The following RALGPS1 variants were observed in gnomAD, a reference collection of about 807,000 sequenced individuals.
RALGPS1 encodes the protein ras-specific guanine nucleotide-releasing factor RalGPS1.
In RALGPS1, 19 loss-of-function variants were observed where a neutral mutation model predicts 78.8. That is an observed-to-expected ratio of 0.24 (90% CI 0.17 to 0.35). RALGPS1 has a LOEUF of 0.35. RALGPS1 is among the 10% of genes least tolerant of loss of function. The pLI is 1.00. For synonymous variants in RALGPS1, 228 were observed against 256.3 expected, an observed-to-expected ratio of 0.89 and a Z score of 1.06; for missense variants, 454 against 688.3, an observed-to-expected ratio of 0.66 and a Z score of 3.81.
intron 8 of RALGPS1, 103 bp downstream of exon 8, chr9:127,069,459 C>T: frequency 1.5e-6 from 2 of 1,361,522 alleles, no homozygotes; most frequent in South Asian, 1.3e-5. Flanking sequence ...AGCGACATGG[C>T]CCGTAGATAA....
chr9:126,992,389 CT>C (rs1224744655), intron 4 of RALGPS1, among the ~76,000 whole-genome samples: 6 of 152,100 alleles, frequency 3.9e-5, no homozygotes, highest in African/African-American at 1.4e-4. Flanking sequence ...TTTTTAATAC[CT>C]CTTTGCAATC....
intron 8 of RALGPS1, among the ~76,000 whole-genome samples, chr9:127,153,524 T>C (rs1196066774): frequency 6.6e-6 from 1 of 151,954 alleles, no homozygotes; most frequent in Non-Finnish European, 1.5e-5. Context: ...TACCCCTGTG[T>C]CTAGAATGTG....
chr9:127,053,831 A>T (rs78276602), intron 7 of RALGPS1, among the ~76,000 whole-genome samples: 1 of 152,212 alleles, frequency 6.6e-6, no homozygotes, highest in East Asian at 1.9e-4. Flanking sequence ...TGCTGTTTCC[A>T]TAGATCTAGT....
intron 1 of RALGPS1, among the ~76,000 whole-genome samples, chr9:126,950,650 G>A (rs1419356367): frequency 6.6e-6 from 1 of 151,688 alleles, no homozygotes; most frequent in Non-Finnish European, 1.5e-5. Flanking sequence ...AGAATCTCTG[G>A]GACACATTCA....
intron 8 of RALGPS1, among the ~76,000 whole-genome samples, chr9:127,089,495 A>C (rs775257931): frequency 6.6e-6 from 1 of 152,192 alleles, no homozygotes; most frequent in Non-Finnish European, 1.5e-5. Flanking sequence ...GGAGGCCCCA[A>C]GGGAACTCCA....
At chr9:127,057,796 C>T (rs1398607241) in intron 7 of RALGPS1, among the ~76,000 whole-genome samples, 2 of 152,196 alleles carry the variant, frequency 1.3e-5, no homozygotes, top group African/African-American at 2.4e-5. Flanking sequence ...GGCCCCTGTC[C>T]TCATGGGCTT....
chr9:127,214,961 T>A (rs2062490563), intron 18 of RALGPS1, 119 bp downstream of exon 18: 2 of 1,487,592 alleles, frequency 1.3e-6, no homozygotes, highest in Non-Finnish European at 1.8e-6. Context: ...CACTCTCAGA[T>A]ACCCTCTTCT....
intron 1 of RALGPS1, among the ~76,000 whole-genome samples, chr9:126,924,522 G>C (rs2035077028): frequency 6.6e-6 from 1 of 152,202 alleles, no homozygotes; most frequent in Non-Finnish European, 1.5e-5. Flanking sequence ...AATGCCAAAT[G>C]TGTCCATTTG....
intron 8 of RALGPS1, among the ~76,000 whole-genome samples, chr9:127,164,029 G>A (rs2139537323): frequency 6.6e-6 from 1 of 151,916 alleles, no homozygotes; most frequent in South Asian, 2.1e-4. Context: ...AGTTATATGA[G>A]TGTGTGTGTG....
chr9:127,128,214 A>G (rs760959672), intron 8 of RALGPS1, among the ~76,000 whole-genome samples: 1 of 152,180 alleles, frequency 6.6e-6, no homozygotes, highest in Non-Finnish European at 1.5e-5. Context: ...TCCATGGTGT[A>G]TATGTGCCAC....
intron 5 of RALGPS1, 93 bp from the exon 6 acceptor site, chr9:127,049,950 A>G: frequency 1.1e-6 from 1 of 917,352 alleles, no homozygotes; most frequent in Admixed American, 1.8e-5. Context: ...TGGAAATCCC[A>G]TAACAGCGGT....
chr9:127,019,142 C>T (rs1365811615), intron 4 of RALGPS1, among the ~76,000 whole-genome samples: 1 of 152,074 alleles, frequency 6.6e-6, no homozygotes, highest in Non-Finnish European at 1.5e-5. Context: ...GAGAATTAAG[C>T]CTTGTGCCTG....
intron 5 of RALGPS1, among the ~76,000 whole-genome samples, chr9:127,045,513 A>T (rs140127046): frequency 1.3e-5 from 2 of 152,178 alleles, no homozygotes; most frequent in Non-Finnish European, 2.9e-5. Context: ...AGATGAATAT[A>T]AGAGAGTATA....
intron 8 of RALGPS1, among the ~76,000 whole-genome samples, chr9:127,129,972 T>G (rs2056894220): frequency 6.6e-6 from 1 of 152,222 alleles, no homozygotes; most frequent in Admixed American, 6.5e-5. Context: ...GGGGATTGCC[T>G]CTATGGGCTC....
At chr9:127,123,820 G>A (rs1001841345) in intron 8 of RALGPS1, among the ~76,000 whole-genome samples, 5 of 152,144 alleles carry the variant, frequency 3.3e-5, no homozygotes, top group African/African-American at 9.7e-5. Flanking sequence ...GGCACCCTGC[G>A]GGGATACAGA....
chr9:126,977,876 A>C, intron 4 of RALGPS1, 131 bp downstream of exon 4: 1 of 615,158 alleles, frequency 1.6e-6, no homozygotes, highest in Non-Finnish European at 2.8e-6. Flanking sequence ...TTTAAACCCC[A>C]TTCTATTCTT....
chr9:127,104,886 G>A (rs919155432), intron 8 of RALGPS1, among the ~76,000 whole-genome samples: 1 of 152,250 alleles, frequency 6.6e-6, no homozygotes, highest in Non-Finnish European at 1.5e-5. Flanking sequence ...TGTTGGGTAA[G>A]AGCACAGAAG....
intron 8 of RALGPS1, among the ~76,000 whole-genome samples, chr9:127,159,627 G>A (rs1411605607): frequency 6.6e-6 from 1 of 152,158 alleles, no homozygotes; most frequent in African/African-American, 2.4e-5. Context: ...ATATTAATTA[G>A]CAGGTGCTAG....
chr9:127,079,886 A>G (rs1016266274), intron 8 of RALGPS1: 3 of 152,222 alleles, frequency 2.0e-5, no homozygotes, highest in African/African-American at 4.8e-5. Flanking sequence ...TCACACAGCA[A>G]TGGATAACGA....
Sources: allele counts gnomAD v4.1 joint callset (sites outside exome capture counted in the v4.1 genomes callset), GRCh38; gene constraint gnomAD v4.1.1; transcripts MANE v1.5; gene names NCBI Gene and HGNC (gene_info 2026-07-23, HGNC 2026-07-21).